The following SIPA1L1 variants were observed in gnomAD, a reference collection of about 807,000 sequenced individuals.
The protein encoded by SIPA1L1 is signal-induced proliferation-associated 1-like protein 1.
Under a neutral mutation model 162.7 loss-of-function variants are expected in SIPA1L1, and 26 were observed. The observed-to-expected ratio is 0.16, with a 90% CI of 0.12 to 0.22. The LOEUF (loss-of-function observed/expected upper bound fraction) is 0.22. Ranked by LOEUF, SIPA1L1 falls within the 10% of genes least tolerant of loss-of-function variation. The pLI is 1.00. For synonymous variants in SIPA1L1, 829 were observed against 837.4 expected (o/e 0.99, Z 0.17); for missense variants, 1,874 against 2,241.0 (o/e 0.84, Z 3.31).
At chr14:71,446,836 T>C (rs1442584858) in intron 2 of SIPA1L1, among the ~76,000 whole-genome samples, 2 of 151,068 alleles carry the variant, frequency 1.3e-5, no homozygotes, top group Non-Finnish European at 1.5e-5. Context: ...AAACCATATT[T>C]GAAAATACAT....
chr14:71,382,408 CT>C (rs1257817388), intron 2 of SIPA1L1, among the ~76,000 whole-genome samples: 3 of 152,194 alleles, frequency 2.0e-5, no homozygotes, highest in Non-Finnish European at 2.9e-5. Context: ...GATATGGAAA[CT>C]TTGTCCCACC....
At chr14:71,435,194 A>C (rs573910873) in intron 2 of SIPA1L1, among the ~76,000 whole-genome samples, 1 of 151,882 alleles carries the variant, frequency 6.6e-6, no homozygotes, top group Admixed American at 6.6e-5. Context: ...TTTAAATTAT[A>C]CTTTAAGTTC....
In SIPA1L1 at chr14:71,671,475, C is replaced by G. The variant is rs878933712; in HGVS notation, c.2612C>G (p.Ala871Gly). 2.5e-6 allele frequency: 4 copies of G among 1,614,076 alleles called. No individual in the cohort carries two copies. The highest frequency in any genetic ancestry group is 3.4e-6 in the Non-Finnish European group (4 of 1,179,984). The stretch of plus-strand genomic sequence containing the variant: ...GTCCGGGCTGAAGACTACAACAAGG[C>G]CATGGAACTAGACTGCCTTTTAGGG... ...WAVRAEDYNKAMELDCLLGIS... is the reference protein window; with the variant it reads ...WAVRAEDYNKGMELDCLLGIS... Residue 871 changes from alanine (A) to glycine (G), a missense_variant, in exon 11 of 24, where the codon GCC becomes GGC. By Grantham distance (60) the Ala-to-Gly change is moderately conservative. Coordinates refer to ENST00000381232, the MANE Select transcript of SIPA1L1 (RefSeq NM_001386936.1).
chr14:71,654,608 T>C (rs2042904155), intron 8 of SIPA1L1, among the ~76,000 whole-genome samples: 1 of 152,160 alleles, frequency 6.6e-6, no homozygotes, highest in Non-Finnish European at 1.5e-5. Flanking sequence ...AGGTTCAAGA[T>C]CTTAAAAGAG....
chr14:71,581,246 G>A (rs903233028), intron 4 of SIPA1L1, among the ~76,000 whole-genome samples: 4 of 151,992 alleles, frequency 2.6e-5, no homozygotes, highest in Non-Finnish European at 5.9e-5. Context: ...ACCCAGGCTG[G>A]TCTCAAACTC....
intron 5 of SIPA1L1, among the ~76,000 whole-genome samples, chr14:71,594,943 G>A (rs912515842): frequency 7.2e-5 from 11 of 152,082 alleles, no homozygotes; most frequent in African/African-American, 2.7e-4. Context: ...TAGGTATTGT[G>A]GTTTTGTGTG....
intron 2 of SIPA1L1, among the ~76,000 whole-genome samples, chr14:71,352,659 C>T (rs566531870): frequency 6.6e-6 from 1 of 152,230 alleles, no homozygotes; most frequent in South Asian, 2.1e-4. Flanking sequence ...TAATGAGTAG[C>T]CCTGCAGCAA....
chr14:71,593,954 AG>A (rs2035727157), intron 5 of SIPA1L1, among the ~76,000 whole-genome samples: 1 of 152,196 alleles, frequency 6.6e-6, no homozygotes, highest in African/African-American at 2.4e-5. Context: ...AGCGCATCTA[AG>A]AGTATTTTCC....
intron 2 of SIPA1L1, among the ~76,000 whole-genome samples, chr14:71,501,249 A>G (rs1424396704): frequency 1.3e-5 from 2 of 151,996 alleles, no homozygotes; most frequent in Admixed American, 6.6e-5. Context: ...TGAGCCCAGG[A>G]GTCGAGGCTA....
At position 71,588,073 on chromosome 14, in the gene SIPA1L1, A is replaced by G. The variant is rs1466846612; in HGVS notation, c.201A>G (p.Ser67=). The part of the protein sequence containing the change: ...PRSEGSHHIT[S]TPGVPKMGVR... ...GTGAAGGTTCTCACCATATAACCTC[A>G]ACCCCCGGAGTCCCAAAAATGGGGG... is the stretch of plus-strand genomic sequence containing the variant. Residue 67 remains serine (S), a synonymous_variant, in exon 5 of 24, where the codon TCA becomes TCG. Coordinates refer to ENST00000381232, the MANE Select transcript of SIPA1L1 (RefSeq NM_001386936.1). This position sits in a 1 kb window ranked among gnomAD's most constrained non-coding sequence, Gnocchi z 4.3. 2 of 1,614,016 alleles carry G rather than the reference A, an allele frequency of 1.2e-6. No homozygotes were observed. Among genetic ancestry groups the G allele is most frequent in the Admixed American group, 1.7e-5 (1 of 60,000 alleles).
intron 16 of SIPA1L1, among the ~76,000 whole-genome samples, chr14:71,706,257 T>C (rs2082432632): frequency 6.6e-6 from 1 of 152,166 alleles, no homozygotes; most frequent in Non-Finnish European, 1.5e-5. Flanking sequence ...GTTGTGACAA[T>C]GTGATATTGT....
At chr14:71,569,292 G>A (rs2031453640) in intron 4 of SIPA1L1, among the ~76,000 whole-genome samples, 1 of 152,162 alleles carries the variant, frequency 6.6e-6, no homozygotes, top group Non-Finnish European at 1.5e-5. Flanking sequence ...TTTACTGAGG[G>A]ATTCCAAAAA....
chr14:71,621,082 T>G (rs1217569614), intron 6 of SIPA1L1, among the ~76,000 whole-genome samples: 1 of 152,206 alleles, frequency 6.6e-6, no homozygotes, highest in African/African-American at 2.4e-5. Flanking sequence ...TCAGCAACAC[T>G]TGTTCATTTT....
At chr14:71,687,645 A>G (rs893115125) in intron 13 of SIPA1L1, among the ~76,000 whole-genome samples, 16 of 152,202 alleles carry the variant, frequency 1.1e-4, no homozygotes, top group South Asian at 2.1e-4. Flanking sequence ...GCTGAGTATC[A>G]TATTTCGATG....
chr14:71,590,642 G>T (rs1156596174), intron 5 of SIPA1L1, among the ~76,000 whole-genome samples: 3 of 152,096 alleles, frequency 2.0e-5, no homozygotes, highest in Non-Finnish European at 2.9e-5. Context: ...TATAGCGTGG[G>T]TCTTGGAATC....
chr14:71,397,309 C>T (rs531863197), intron 2 of SIPA1L1, among the ~76,000 whole-genome samples: 3 of 152,236 alleles, frequency 2.0e-5, no homozygotes, highest in Admixed American at 2.0e-4. Context: ...TTAAGTCTCC[C>T]TTACATTCAT....
chr14:71,690,412 T>C (rs2081173783), intron 13 of SIPA1L1, among the ~76,000 whole-genome samples: 1 of 152,078 alleles, frequency 6.6e-6, no homozygotes. Flanking sequence ...AGCTTATGTT[T>C]TGAAATGATT....
chr14:71,739,170 G>A lies in SIPA1L1; in HGVS notation c.*9G>A, dbSNP rs761706448. ...CCATAGACATGAGCTAGGGAAGGCTGAGGAGGACAGGAGAAGGGCCCAGAC... is the reference window on the plus strand; with the variant it reads ...CCATAGACATGAGCTAGGGAAGGCTAAGGAGGACAGGAGAAGGGCCCAGAC... On this transcript the variant is annotated 3_prime_UTR_variant, in exon 24 of 24. Coordinates refer to ENST00000381232, the MANE Select transcript of SIPA1L1 (RefSeq NM_001386936.1). 3 of 1,610,286 alleles carry A rather than the reference G, an allele frequency of 1.9e-6. No homozygotes were observed. Among genetic ancestry groups the A allele is most frequent in the Non-Finnish European group, 2.5e-6 (3 of 1,177,696 alleles).
chr14:71,514,820 C>T (rs1357155981), intron 3 of SIPA1L1, among the ~76,000 whole-genome samples: 1 of 152,204 alleles, frequency 6.6e-6, no homozygotes, highest in Non-Finnish European at 1.5e-5. Flanking sequence ...ATAAAACTAA[C>T]CATCACACCT....
Sources: gnomAD v4.1 joint callset for allele counts (sites outside exome capture counted in the v4.1 genomes callset) on GRCh38, gnomAD v4.1.1 for gene constraint, Gnocchi (gnomAD v3.1) non-coding constraint, MANE v1.5 for transcripts, NCBI Gene and HGNC (gene_info 2026-07-23, HGNC 2026-07-21) for gene names.